DPF3: variants seen among roughly 807,000 people sequenced by gnomAD.
DPF3 encodes the protein double PHD fingers 3.
In DPF3, 18 loss-of-function variants were observed where a neutral mutation model predicts 56.8. That is an observed-to-expected ratio of 0.32 (90% CI 0.22 to 0.47). DPF3 has a LOEUF of 0.47. Ranked by LOEUF, DPF3 falls within the 20% of genes least tolerant of loss-of-function variation. The pLI, the probability that DPF3 is intolerant of heterozygous loss-of-function variation, is 1.00. For missense variants in DPF3, 403 were observed against 488.8 expected (o/e 0.82, Z 1.65); for synonymous variants, 188 against 180.2 (o/e 1.04, Z -0.35).
chr14:72,893,739 C>G (rs1050790528), intron 1 of DPF3, among the ~76,000 whole-genome samples: 1 of 152,086 alleles, frequency 6.6e-6, no homozygotes, highest in South Asian at 2.1e-4. Context: ...GCGCCGTCCC[C>G]GAGCTCCCGC....
intron 7 of DPF3, among the ~76,000 whole-genome samples, 184 bp downstream of exon 7, chr14:72,692,892 G>C (rs1887751479): frequency 6.6e-6 from 1 of 152,216 alleles, no homozygotes; most frequent in Non-Finnish European, 1.5e-5. Flanking sequence ...GCTAAGCCTA[G>C]GGTTGGGCTG....
chr14:72,812,383 G>C (rs1883089116), intron 1 of DPF3, among the ~76,000 whole-genome samples: 1 of 152,192 alleles, frequency 6.6e-6, no homozygotes, highest in African/African-American at 2.4e-5. Flanking sequence ...GACTGCCACT[G>C]TGGCAGCTAA....
At chr14:72,800,163 T>C (rs1957376949) in intron 1 of DPF3, among the ~76,000 whole-genome samples, 1 of 152,196 alleles carries the variant, frequency 6.6e-6, no homozygotes, top group African/African-American at 2.4e-5. Context: ...TGAACTCAAA[T>C]GCTTTTGAAA....
At chr14:72,733,549 C>A (rs1274819433) in intron 3 of DPF3, among the ~76,000 whole-genome samples, 3 of 152,096 alleles carry the variant, frequency 2.0e-5, no homozygotes, top group Admixed American at 1.3e-4. Context: ...AGCCAGGAAC[C>A]AAGGGAAGAA....
At chr14:72,806,083 C>T (rs935004578) in intron 1 of DPF3, 7 of 152,200 alleles carry the variant, frequency 4.6e-5, no homozygotes, top group African/African-American at 1.2e-4. Flanking sequence ...AGAGGGTCTT[C>T]GAGACAATTC....
Position 72,861,752 on chromosome 14 carries a change from A to AAAGAAAGAAAGG in DPF3, c.32+32304_32+32305insCCTTTCTTTCTT, listed in dbSNP as rs1885429353. 2.1e-5 allele frequency among the ~76,000 whole-genome samples: 3 copies of AAAGAAAGAAAGG among 143,446 alleles called. No individual in the cohort carries two copies. In the East Asian group the frequency reaches 6.0e-4, roughly 29 times the overall value. The allele number at this position is 143,446 out of a possible 152,430, so 94.1% of individuals were successfully genotyped here. A position where few individuals can be genotyped will look rare whatever the true frequency, so the allele number is the denominator to read the frequency against. ...AAGAAAGAAAGAGAAAGAAAGAAAG[A>AAAGAAAGAAAGG]AAGAAAGAAAGAAAGAAAGAAAGAA... On this transcript the variant is annotated intron_variant, in intron 1 of 10. Transcript: ENST00000556509.
At chr14:72,724,930 A>C (rs1384352439) in intron 4 of DPF3, among the ~76,000 whole-genome samples, 3 of 151,820 alleles carry the variant, frequency 2.0e-5, no homozygotes, top group East Asian at 3.9e-4. Context: ...GACCTCGAAC[A>C]CCTGGTCTCA....
chr14:72,879,051 C>A (rs760739922), intron 1 of DPF3, among the ~76,000 whole-genome samples: 2 of 152,232 alleles, frequency 1.3e-5, no homozygotes, highest in Admixed American at 1.3e-4. Context: ...ATTCCCCACA[C>A]GTTTCCTACG....
chr14:72,652,038 A>C (rs1203538973), intron 8 of DPF3, among the ~76,000 whole-genome samples: 2 of 152,188 alleles, frequency 1.3e-5, no homozygotes, highest in Non-Finnish European at 2.9e-5. Flanking sequence ...CAAGTTACTG[A>C]AACTTTCTCA....
chr14:72,702,019 C>T (rs1234731304), intron 6 of DPF3, among the ~76,000 whole-genome samples: 1 of 152,224 alleles, frequency 6.6e-6, no homozygotes, highest in Non-Finnish European at 1.5e-5. Context: ...GCTCAGGAGG[C>T]AAGGATCCCC....
chr14:72,652,071 A>G (rs1885925150), intron 8 of DPF3, among the ~76,000 whole-genome samples: 1 of 152,216 alleles, frequency 6.6e-6, no homozygotes, highest in Non-Finnish European at 1.5e-5. Flanking sequence ...CAGCTATAAA[A>G]TAGGAACACC....
intron 1 of DPF3, among the ~76,000 whole-genome samples, chr14:72,825,776 C>T (rs987242625): frequency 7.0e-6 from 1 of 142,726 alleles, no homozygotes; most frequent in African/African-American, 2.6e-5. Context: ...GTTAAGATAA[C>T]TCTATCTACA....
intron 1 of DPF3, among the ~76,000 whole-genome samples, chr14:72,779,360 G>T (rs764097951): frequency 1.3e-5 from 2 of 152,178 alleles, no homozygotes; most frequent in Non-Finnish European, 2.9e-5. Flanking sequence ...AACTGCAAGC[G>T]CTATAGCCCT....
chr14:72,632,449 A>T (rs942732894), intron 8 of DPF3, among the ~76,000 whole-genome samples: 1 of 152,176 alleles, frequency 6.6e-6, no homozygotes, highest in African/African-American at 2.4e-5. Flanking sequence ...TTTTTGTAAT[A>T]TATTTTGTAA....
chr14:72,731,689 G>C (rs1055871240), intron 4 of DPF3, 118 bp downstream of exon 4: 3 of 1,402,416 alleles, frequency 2.1e-6, no homozygotes, highest in Non-Finnish European at 2.9e-6. Context: ...AAACAAGGCA[G>C]TCTGAGACTG....
At chr14:72,784,967 A>G (rs1169408268) in intron 1 of DPF3, among the ~76,000 whole-genome samples, 1 of 151,690 alleles carries the variant, frequency 6.6e-6, no homozygotes, top group Non-Finnish European at 1.5e-5. Flanking sequence ...CAAAAAAAAA[A>G]AAGTTGAAAA....
At chr14:72,890,343 T>C (rs571893583) in intron 1 of DPF3, among the ~76,000 whole-genome samples, 186 of 151,854 alleles carry the variant, frequency 1.2e-3, no homozygotes, top group Non-Finnish European at 2.3e-3. Flanking sequence ...ACACAAAAAT[T>C]AGCCAGGTGT....
chr14:72,838,650 G>A (rs1383798815), intron 1 of DPF3, among the ~76,000 whole-genome samples: 2 of 151,006 alleles, frequency 1.3e-5, no homozygotes, highest in South Asian at 4.2e-4. Flanking sequence ...CCAGCTACTC[G>A]GGAGGCTGAG....
intron 1 of DPF3, among the ~76,000 whole-genome samples, chr14:72,793,887 TCTGG>T (rs1420829461): frequency 6.6e-6 from 1 of 152,258 alleles, no homozygotes; most frequent in Non-Finnish European, 1.5e-5. Flanking sequence ...AGCTGGGTTC[TCTGG>T]CCACCCTCCA....
Sources: gnomAD v4.1 joint callset for allele counts (sites outside exome capture counted in the v4.1 genomes callset) on GRCh38, gnomAD v4.1.1 for gene constraint, MANE v1.5 for transcripts, NCBI Gene and HGNC (gene_info 2026-07-23, HGNC 2026-07-21) for gene names.